Variants in PTPN6 observed in about 807,000 individuals in gnomAD.
PTPN6 encodes tyrosine-protein phosphatase non-receptor type 6.
In PTPN6, 18 loss-of-function variants were observed where a neutral mutation model predicts 81.5. That is an observed-to-expected ratio of 0.22 (90% confidence interval 0.15 to 0.33). The LOEUF (loss-of-function observed/expected upper bound fraction) is 0.33, where lower values mean the gene tolerates loss of function less well. Ranked by LOEUF, PTPN6 falls within the 10% of genes least tolerant of loss-of-function variation. PTPN6 has a pLI of 1.00. For missense variants in PTPN6, 500 were observed against 794.2 expected, an observed-to-expected ratio of 0.63 and a Z score of 4.45; for synonymous variants, 301 against 310.9, an observed-to-expected ratio of 0.97 and a Z score of 0.33.
rs972937005 is a variant in PTPN6 at position 6,952,672 on chromosome 12, T to G, written c.326+495T>G. The G allele has an allele frequency of 4.0e-6, 1 of 248,642 alleles. No homozygotes were observed. Among genetic ancestry groups the G allele is most frequent in the Non-Finnish European group, 8.1e-6 (1 of 123,364 alleles). 15.4% of individuals were successfully genotyped at this position (248,642 alleles called of 1,614,324 possible). A position where few individuals can be genotyped will look rare whatever the true frequency, so the allele number is the denominator to read the frequency against. ...GTCCCAGCCGCCCCGTGGGGATGGG[T>G]CTGTCCTGTGGGGTCAAATAGGTCT... is the stretch of plus-strand genomic sequence containing the variant. On this transcript the variant is annotated intron_variant, in intron 3 of 15. Transcript: ENST00000318974. The surrounding 1 kb of genome is among the most constrained non-coding windows in gnomAD (Gnocchi z 8.1).
chr12:6,960,006 CTGGGGGTT>C lies in PTPN6; in HGVS notation c.1429+20_1429+27del, dbSNP rs782572436. The C allele has an allele frequency of 6.4e-6, 9 of 1,411,598 alleles. No homozygotes were observed. The highest frequency in any genetic ancestry group is 4.2e-4 in the Middle Eastern group (2 of 4,792). 87.4% of individuals were successfully genotyped at this position (1,411,598 alleles called of 1,614,324 possible). ...CATCTCCACCAAGGGTGAGGGGCACCTGGGGGTTTGGGGGTGGGGGGTGAGCAGCCCCT... is the reference window on the plus strand; with the variant it reads ...CATCTCCACCAAGGGTGAGGGGCACCTGGGGGTGGGGGGTGAGCAGCCCCT... On this transcript the variant is annotated intron_variant, in intron 12 of 15. Transcript: ENST00000318974. This position sits in a 1 kb window ranked among gnomAD's most constrained non-coding sequence, Gnocchi z 6.1.
chr12:6,956,744 G>T lies in PTPN6; in HGVS notation c.1074+176G>T, dbSNP rs1681328690. Among the ~76,000 whole-genome samples the T allele has an allele frequency of 6.6e-6, 1 of 152,122 alleles. No homozygotes were observed. Among genetic ancestry groups the T allele is most frequent in the Admixed American group, 6.5e-5 (1 of 15,278 alleles). ...TACACAACGTGACCCCCAGATCCCT[G>T]CATGCATCCCTGGGCTCTTCTGAGC... On this transcript the variant is annotated intron_variant, in intron 9 of 15. Transcript: ENST00000318974. This position sits in a 1 kb window ranked among gnomAD's most constrained non-coding sequence, Gnocchi z 4.1.
chr12:6,946,649 A>T (rs1311367072), upstream of PTPN6: 14 of 1,279,304 alleles, frequency 1.1e-5, no homozygotes, highest in Non-Finnish European at 1.6e-5. Context: ...GGCTTGGGCC[A>T]CTGTGCACAG....
intron 11 of PTPN6, 25 bp downstream of exon 11, chr12:6,958,098 G>A (rs1267789983): frequency 5.6e-6 from 9 of 1,606,438 alleles, no homozygotes; most frequent in Non-Finnish European, 7.6e-6. Context: ...CCTGATGGTA[G>A]TAGTGACAGC....
In PTPN6 at chr12:6,958,048, G is replaced by C. The variant is rs782216134; in HGVS notation, c.1336G>C (p.Ala446Pro). 1.2e-6 allele frequency: 2 copies of C among 1,612,480 alleles called. No individual in the cohort carries two copies. Among genetic ancestry groups the C allele is most frequent in the Admixed American group, 1.7e-5 (1 of 60,028 alleles). Residue 446 changes from alanine to proline, a missense_variant, in exon 11 of 16, where the codon GCA becomes CCA. Around this residue, in one of 6 missense-constraint regions of PTPN6, gnomAD observed 226 missense variants for 364.4 expected, o/e 0.62. Transcript: ENST00000318974. ...INQRQESLPH[A>P]GPIIVHCSAG... Reference sequence around the variant, plus strand: ...CCAGCGGCAGGAAAGTCTGCCTCACGCAGGGCCCATCATCGTGCACTGCAG... The same window carrying C: ...CCAGCGGCAGGAAAGTCTGCCTCACCCAGGGCCCATCATCGTGCACTGCAG...
upstream of PTPN6, chr12:6,946,823 T>C: frequency 7.1e-7 from 1 of 1,412,590 alleles, no homozygotes; most frequent in Non-Finnish European, 9.8e-7. Context: ...CTCCGACGTG[T>C]GTGAACGTGA....
rs1555149899 is a variant in PTPN6, at chr12:6,961,157, G to A, written c.*57G>A. The A allele has an allele frequency of 1.3e-5, 9 of 717,330 alleles. No individual in the cohort carries two copies. The highest frequency in any genetic ancestry group is 8.9e-5 in the African/African-American group (5 of 56,066). 44.4% of individuals were successfully genotyped at this position (717,330 alleles called of 1,614,324 possible). ...CCCTGACCCTGTGGAAGCATTTCGCGATGGACAGACTCACAACCTGAACCT... is the reference window on the plus strand; with the variant it reads ...CCCTGACCCTGTGGAAGCATTTCGCAATGGACAGACTCACAACCTGAACCT... On this transcript the variant is annotated 3_prime_UTR_variant, in exon 16 of 16. Coordinates refer to ENST00000318974, the MANE Select transcript of PTPN6 (RefSeq NM_002831.6).
In PTPN6 at chr12:6,960,125, G is replaced by A; in HGVS notation, c.1467G>A (p.Gln489=). 1.2e-6 allele frequency: 2 copies of A among 1,613,714 alleles called. No individual in the cohort carries two copies. The highest frequency in any genetic ancestry group is 4.5e-5 in the East Asian group (2 of 44,900). Residue 489 remains glutamine (Q), a synonymous_variant, in exon 13 of 16, where the codon CAG becomes CAA. Coordinates refer to ENST00000318974, the MANE Select transcript of PTPN6 (RefSeq NM_002831.6). The surrounding 1 kb of genome is among the most constrained non-coding windows in gnomAD (Gnocchi z 6.1). ...ACATTGACATCCAGAAGACCATCCA[G>A]ATGGTGCGGGCGCAGCGCTCGGGCA... ...DCDIDIQKTI[Q]MVRAQRSGMV...
chr12:6,959,942 C>T lies in PTPN6; in HGVS notation c.1377C>T (p.Arg459=). Residue 459 remains arginine (R), a synonymous_variant, in exon 12 of 16, where the codon CGC becomes CGT. Coordinates refer to ENST00000318974, the MANE Select transcript of PTPN6 (RefSeq NM_002831.6). The surrounding 1 kb of genome is among the most constrained non-coding windows in gnomAD (Gnocchi z 6.6). Reference sequence around the variant, plus strand: ...CTTTCCCCAGCGCCGGCATCGGCCGCACAGGCACCATCATTGTCATCGACA... The same window carrying T: ...CTTTCCCCAGCGCCGGCATCGGCCGTACAGGCACCATCATTGTCATCGACA... The part of the protein sequence containing the change: ...IIVHCSAGIG[R]TGTIIVIDML... 1 of 1,610,350 alleles carries T rather than the reference C, an allele frequency of 6.2e-7. No homozygotes were observed. Among genetic ancestry groups the T allele is most frequent in the Non-Finnish European group, 8.5e-7 (1 of 1,179,688 alleles).
rs782242482 is a variant in PTPN6, at chr12:6,952,089, A to G, written c.238A>G (p.Thr80Ala). ...ATLTELVEYYTQQQGVLQDRD... is the reference protein window; with the variant it reads ...ATLTELVEYYAQQQGVLQDRD... ...TCTGACAGAGCTGGTGGAGTACTAC[A>G]CTCAGCAGCAGGGTGTCCTGCAGGA... is the stretch of plus-strand genomic sequence containing the variant. The change falls in exon 3 of 16, where the codon ACT (threonine) becomes GCT (alanine). Residue 80 changes from threonine (T) to alanine (A), a missense_variant. Physicochemically the swap from Thr to Ala is moderately conservative, Grantham distance 58. This residue lies in a region of PTPN6 where 98 missense variants were observed against 199.2 expected (regional missense o/e 0.49). Transcript: ENST00000318974. This position sits in a 1 kb window ranked among gnomAD's most constrained non-coding sequence, Gnocchi z 8.1. 2 of 1,613,678 alleles carry G rather than the reference A, an allele frequency of 1.2e-6. No homozygotes were observed. Among genetic ancestry groups the G allele is most frequent in the Admixed American group, 1.7e-5 (1 of 59,998 alleles).
At position 6,954,924 on chromosome 12, in the gene PTPN6, T is replaced by C; in HGVS notation, c.446T>C (p.Val149Ala). The change falls in exon 4 of 16, where the codon GTG becomes GCG. Residue 149 changes from valine (V) to alanine (A), a missense_variant. Physicochemically the swap from Val to Ala is moderately conservative, Grantham distance 64 (BLOSUM62 0). This residue lies in a region of PTPN6 where 98 missense variants were observed against 199.2 expected (regional missense o/e 0.49). Transcript: ENST00000318974. This position sits in a 1 kb window ranked among gnomAD's most constrained non-coding sequence, Gnocchi z 5.4. The part of the protein sequence containing the change: ...LSQPGDFVLS[V>A]LSDQPKAGPG... ...CAGCCTGGAGACTTCGTGCTTTCTG[T>C]GCTCAGTGACCAGCCCAAGGCTGGC... 1 of 1,614,208 alleles carries C rather than the reference T, an allele frequency of 6.2e-7. No homozygotes were observed. Among genetic ancestry groups the C allele is most frequent in the Non-Finnish European group, 8.5e-7 (1 of 1,180,030 alleles).
rs782673400 is a variant in PTPN6, at chr12:6,955,392, G to A, written c.654G>A (p.Val218=). The A allele has an allele frequency of 1.2e-6, 2 of 1,614,170 alleles. No homozygotes were observed. The highest frequency in any genetic ancestry group is 2.2e-5 in the South Asian group (2 of 91,076). ...CCCAGCCGTACTATGCCACGAGGGT[G>A]AATGCGGCTGACATTGAGAACCGAG... ...YLRQPYYATR[V]NAADIENRVL... Residue 218 remains valine (V), a synonymous_variant, in exon 6 of 16, where the codon GTG becomes GTA. Coordinates refer to ENST00000318974, the MANE Select transcript of PTPN6 (RefSeq NM_002831.6). The surrounding 1 kb of genome is among the most constrained non-coding windows in gnomAD (Gnocchi z 7.2).
chr12:6,956,242 G>T lies in PTPN6; in HGVS notation c.924+21G>T, dbSNP rs1946028095. On this transcript the variant is annotated intron_variant, in intron 8 of 15. Coordinates refer to ENST00000318974, the MANE Select transcript of PTPN6 (RefSeq NM_002831.6). This position sits in a 1 kb window ranked among gnomAD's most constrained non-coding sequence, Gnocchi z 4.1. ...TCAAGGTCAGCAGTGTGGGCCACGTGGGAGGAGAGGCTGGGCCCTGGGAAT... is the reference window on the plus strand; with the variant it reads ...TCAAGGTCAGCAGTGTGGGCCACGTTGGAGGAGAGGCTGGGCCCTGGGAAT... The T allele has an allele frequency of 1.2e-6, 2 of 1,613,472 alleles. No individual in the cohort carries two copies. Among genetic ancestry groups the T allele is most frequent in the Non-Finnish European group, 1.7e-6 (2 of 1,179,374 alleles).
Position 6,961,120 on chromosome 12 carries a change from T to A in PTPN6, c.*26-6T>A. 9.4e-7 allele frequency: 1 copy of A among 1,066,494 alleles called. No individual in the cohort carries two copies. The highest frequency in any genetic ancestry group is 1.3e-6 in the Non-Finnish European group (1 of 743,912). The allele number at this position is 1,066,494 out of a possible 1,614,324, so 66.1% of individuals were successfully genotyped here. ...CTCTCACTCCCTCACTCCCTTCTCT[T>A]GGCAGCCTCAGCCCTGACCCTGTGG... On this transcript the variant is annotated splice_region_variant and splice_polypyrimidine_tract_variant and intron_variant, in intron 15 of 15. Coordinates refer to ENST00000318974, the MANE Select transcript of PTPN6 (RefSeq NM_002831.6).
chr12:6,947,560 T>C (rs73262876), upstream of PTPN6, among the ~76,000 whole-genome samples: 3,021 of 149,368 alleles, frequency 0.02, 111 homozygotes, highest in African/African-American at 0.067. Context: ...GTTCCAGCTA[T>C]GGAGAGGCTA....
chr12:6,957,773 C>T lies in PTPN6; in HGVS notation c.1194C>T (p.Ser398=). 6.2e-7 allele frequency: 1 copy of T among 1,614,184 alleles called. No individual in the cohort carries two copies. The highest frequency in any genetic ancestry group is 8.5e-7 in the Non-Finnish European group (1 of 1,180,030). The change falls in exon 10 of 16, where the codon TCC becomes TCT. Residue 398 remains serine, a synonymous_variant. Coordinates refer to ENST00000318974, the MANE Select transcript of PTPN6 (RefSeq NM_002831.6). The surrounding 1 kb of genome is among the most constrained non-coding windows in gnomAD (Gnocchi z 6.5). The part of the protein sequence containing the change: ...TEYKLRTLQV[S]PLDNGDLIRE... The stretch of plus-strand genomic sequence containing the variant: ...ACAAACTCCGTACCTTACAGGTCTC[C>T]CCGCTGGACAATGTGAGTGGCCCCC...
chr12:6,958,082 G>A lies in PTPN6; in HGVS notation c.1361+9G>A, dbSNP rs1946064512. On this transcript the variant is annotated intron_variant, in intron 11 of 15. Coordinates refer to ENST00000318974, the MANE Select transcript of PTPN6 (RefSeq NM_002831.6). ...ATCATCGTGCACTGCAGGTGAGGAT[G>A]ATAATCCTGATGGTAGTAGTGACAG... 1.2e-6 allele frequency: 2 copies of A among 1,608,984 alleles called. No homozygotes were observed. The highest frequency in any genetic ancestry group is 2.2e-5 in the South Asian group (2 of 91,082).
chr12:6,948,454 AGG>A (rs1348594812), upstream of PTPN6, among the ~76,000 whole-genome samples: 1 of 146,890 alleles, frequency 6.8e-6, no homozygotes, highest in Admixed American at 6.9e-5. Flanking sequence ...AAAAAAAGAG[AGG>A]GAAGGAAAGA....
Position 6,956,221 on chromosome 12 carries a change from G to A in PTPN6, c.924G>A (p.Lys308=), listed in dbSNP as rs1555148654. 1.9e-6 allele frequency: 3 copies of A among 1,614,024 alleles called. No homozygotes were observed. ...GSDYINANYI[K]NQLLGPDENA... ...ACTACATCAATGCCAACTACATCAA[G>A]GTCAGCAGTGTGGGCCACGTGGGAG... The change falls in exon 8 of 16, where the codon AAG becomes AAA. Residue 308 remains lysine, a splice_region_variant and synonymous_variant. Transcript: ENST00000318974. The surrounding 1 kb of genome is among the most constrained non-coding windows in gnomAD (Gnocchi z 4.1).
Sources: allele counts gnomAD v4.1 joint callset (sites outside exome capture counted in the v4.1 genomes callset), GRCh38; gene constraint gnomAD v4.1.1; regional missense constraint gnomAD v4.1.1; non-coding constraint Gnocchi (gnomAD v3.1); transcripts MANE v1.5; gene names NCBI Gene and HGNC (gene_info 2026-07-23, HGNC 2026-07-21).